The following PLA2G4D variants were observed in gnomAD, a reference collection of about 807,000 sequenced individuals.
PLA2G4D encodes cytosolic phospholipase A2 delta.
In PLA2G4D, 80 loss-of-function variants were observed where a neutral mutation model predicts 94.4. That is an observed-to-expected ratio of 0.85 (90% CI 0.71 to 1.02). The LOEUF is 1.02. Among genes scored for constraint, PLA2G4D ranks in the 50% least tolerant of loss-of-function variants. The pLI is 0.00. For missense variants in PLA2G4D, 1,050 were observed against 1,034.7 expected, an observed-to-expected ratio of 1.01 and a Z score of -0.20; for synonymous variants, 438 against 440.9, an observed-to-expected ratio of 0.99 and a Z score of 0.08.
At chr15:42,087,041 C>T (rs566028249) in intron 3 of PLA2G4D, among the ~76,000 whole-genome samples, 1 of 152,294 alleles carries the variant, frequency 6.6e-6, no homozygotes, top group East Asian at 1.9e-4. Context: ...GGAGGGGGCT[C>T]TTACTGTCTC....
chr15:42,081,372 C>T, intron 11 of PLA2G4D, 107 bp downstream of exon 11: 2 of 1,516,986 alleles, frequency 1.3e-6, no homozygotes, highest in Non-Finnish European at 8.9e-7. Context: ...TCTCCACACA[C>T]ATGCCCACTC....
At chr15:42,085,195 G>T in intron 5 of PLA2G4D, 57 bp from the exon 6 acceptor site, 1 of 1,597,248 alleles carries the variant, frequency 6.3e-7, no homozygotes. Context: ...TCCCGCTCCC[G>T]CCCATGTGGG....
chr15:42,071,607 G>T (rs1320930733), intron 15 of PLA2G4D, 56 bp from the exon 16 acceptor site: 10 of 1,542,564 alleles, frequency 6.5e-6, no homozygotes, highest in East Asian at 2.3e-5. Flanking sequence ...CCCACCCTCA[G>T]GTACTGATGG....
rs1159732917 is a variant in PLA2G4D at position 42,087,402 on chromosome 15, C to T, written c.153G>A (p.Leu51=). 20 of 1,614,048 alleles carry T rather than the reference C, an allele frequency of 1.2e-5. No individual in the cohort carries two copies. Among genetic ancestry groups the T allele is most frequent in the Non-Finnish European group, 1.6e-5 (19 of 1,180,028 alleles). Residue 51 remains leucine (L), a synonymous_variant, in exon 3 of 20, where the codon CTG becomes CTA. Coordinates refer to ENST00000290472, the MANE Select transcript of PLA2G4D (RefSeq NM_178034.4). The stretch of plus-strand genomic sequence containing the variant: ...TAAACTTCATTCCAGGTGCGGTCGA[C>T]AGCTGTAGGATCACGTAAGGGTCGG... The part of the protein sequence containing the change: ...SEADPYVILQ[L]STAPGMKFKT...
intron 13 of PLA2G4D, among the ~76,000 whole-genome samples, chr15:42,078,037 A>C (rs1460301205): frequency 6.6e-6 from 1 of 152,232 alleles, no homozygotes; most frequent in Non-Finnish European, 1.5e-5. Flanking sequence ...TTTCTGAATA[A>C]TCTACTCCTT....
chr15:42,093,712 G>A (rs1288697810), intron 1 of PLA2G4D, among the ~76,000 whole-genome samples: 1 of 152,174 alleles, frequency 6.6e-6, no homozygotes, highest in Non-Finnish European at 1.5e-5. Context: ...GCTTGGGCCT[G>A]GGTCTCAGGG....
Position 42,086,194 on chromosome 15 carries a change from T to TTGGGGGGGGGGGGGGGGGGGGGGGG in PLA2G4D, c.387+18_387+19insCCCCCCCCCCCCCCCCCCCCCCCCA. 4 of 1,370,440 alleles carry TTGGGGGGGGGGGGGGGGGGGGGGGG rather than the reference T, an allele frequency of 2.9e-6. No homozygotes were observed. Among genetic ancestry groups the TTGGGGGGGGGGGGGGGGGGGGGGGG allele is most frequent in the Non-Finnish European group, 3.8e-6 (4 of 1,043,082 alleles). 84.9% of individuals were successfully genotyped at this position (1,370,440 alleles called of 1,614,324 possible). On this transcript the variant is annotated intron_variant, in intron 4 of 19. Transcript: ENST00000290472. ...GGAAGAAGTGGGGCCCACGGGGACT[T>TTGGGGGGGGGGGGGGGGGGGGGGGG]CCCCACCCACCCACCCACCTGGGGA...
intron 6 of PLA2G4D, chr15:42,083,985 G>T: frequency 1.7e-6 from 1 of 572,222 alleles, no homozygotes; most frequent in Non-Finnish European, 3.1e-6. Context: ...AGCCAGGAGG[G>T]CCCTGGCTCC....
chr15:42,075,129 G>T (rs1889894156), intron 13 of PLA2G4D, among the ~76,000 whole-genome samples: 1 of 152,140 alleles, frequency 6.6e-6, no homozygotes, highest in African/African-American at 2.4e-5. Context: ...TCACTATGTT[G>T]TCCAGGTTCA....
intron 6 of PLA2G4D, 99 bp from the exon 7 acceptor site, chr15:42,083,878 A>C: frequency 5.1e-6 from 6 of 1,182,086 alleles, no homozygotes; most frequent in South Asian, 1.3e-5. Context: ...TCCACCACAC[A>C]CACAAGGAGT....
intron 10 of PLA2G4D, 38 bp from the exon 11 acceptor site, chr15:42,081,652 G>A (rs202047394): frequency 1.1e-4 from 175 of 1,611,150 alleles, no homozygotes; most frequent in Non-Finnish European, 8.6e-5. Context: ...GGGGACACCT[G>A]CATAGCTCAG....
chr15:42,080,658 G>C (rs1890018873), intron 12 of PLA2G4D, among the ~76,000 whole-genome samples: 1 of 152,212 alleles, frequency 6.6e-6, no homozygotes, highest in Non-Finnish European at 1.5e-5. Context: ...TGCTAGGATT[G>C]TCCGTTTGGA....
At position 42,081,517 on chromosome 15, in the gene PLA2G4D, G is replaced by T. The variant is rs199591008; in HGVS notation, c.919C>A (p.Gln307Lys). The change falls in exon 11 of 20, where the codon CAG becomes AAG. Residue 307 changes from glutamine to lysine, a missense_variant. Coordinates refer to ENST00000290472, the MANE Select transcript of PLA2G4D (RefSeq NM_178034.4). ...RKQVVAKALKQALQLDRDLQE... is the reference protein window; with the variant it reads ...RKQVVAKALKKALQLDRDLQE... Reference sequence around the variant, plus strand: ...AGGTCTCTGTCCAGCTGCAGGGCCTGCTTCAGGGCCTTGGCCACCACCTGC... The same window carrying T: ...AGGTCTCTGTCCAGCTGCAGGGCCTTCTTCAGGGCCTTGGCCACCACCTGC... 1.2e-4 allele frequency: 187 copies of T among 1,614,060 alleles called. No individual in the cohort carries two copies. Among genetic ancestry groups the T allele is most frequent in the Admixed American group, 4.7e-4 (28 of 60,016 alleles).
chr15:42,070,663 C>G, intron 18 of PLA2G4D, 54 bp downstream of exon 18: 1 of 1,527,960 alleles, frequency 6.5e-7, no homozygotes, highest in Non-Finnish European at 8.8e-7. Context: ...TGCTGCTCGC[C>G]TCTGGAGCTT....
chr15:42,069,973 G>A lies in PLA2G4D; in HGVS notation c.2166C>T (p.Pro722=), dbSNP rs373516013. 11 of 1,469,830 alleles carry A rather than the reference G, an allele frequency of 7.5e-6. No individual in the cohort carries two copies. In the South Asian group the frequency reaches 8.5e-5, roughly 11 times the overall value. The allele number at this position is 1,469,830 out of a possible 1,614,324, so 91.0% of individuals were successfully genotyped here. The change falls in exon 19 of 20, where the codon CCC becomes CCT. Residue 722 remains proline (P), a synonymous_variant. Transcript: ENST00000290472. ...ECHLFSDPAC[P]EAPILLHFPL... is the part of the protein sequence containing the mutation. ...GGAAGTGCAGCAGGATCGGGGCCTC[G>A]GGGCAGGCGGGGTCTGAGAAGAGGT...
chr15:42,081,899 T>C, intron 9 of PLA2G4D, 65 bp from the exon 10 acceptor site: 5 of 1,440,064 alleles, frequency 3.5e-6, no homozygotes, highest in Non-Finnish European at 9.6e-7. Context: ...TGGGTATCCC[T>C]GGGGACTTGG....
chr15:42,086,194 T>TGGGGGGGGGGGGGGGGGGC lies in PLA2G4D; in HGVS notation c.387+18_387+19insGCCCCCCCCCCCCCCCCCC. 5 of 1,370,438 alleles carry TGGGGGGGGGGGGGGGGGGC rather than the reference T, an allele frequency of 3.6e-6. No individual in the cohort carries two copies. Among genetic ancestry groups the TGGGGGGGGGGGGGGGGGGC allele is most frequent in the Non-Finnish European group, 2.9e-6 (3 of 1,043,078 alleles). The allele number at this position is 1,370,438 out of a possible 1,614,324, so 84.9% of individuals were successfully genotyped here. ...GGAAGAAGTGGGGCCCACGGGGACT[T>TGGGGGGGGGGGGGGGGGGC]CCCCACCCACCCACCCACCTGGGGA... On this transcript the variant is annotated intron_variant, in intron 4 of 19. Coordinates refer to ENST00000290472, the MANE Select transcript of PLA2G4D (RefSeq NM_178034.4).
Position 42,085,079 on chromosome 15 carries a change from C to T in PLA2G4D, c.471+17G>A, listed in dbSNP as rs760600925. ...CTGCTCTGGGGCCCCTCCCCTAAGC[C>T]TGGGGAAGGTGCTTACCACAATGAC... On this transcript the variant is annotated intron_variant, in intron 6 of 19. Transcript: ENST00000290472. The T allele has an allele frequency of 7.4e-6, 12 of 1,614,124 alleles. No individual in the cohort carries two copies. The highest frequency in any genetic ancestry group is 1.0e-5 in the Non-Finnish European group (12 of 1,179,962).
chr15:42,076,554 A>G (rs1357091587), intron 13 of PLA2G4D, among the ~76,000 whole-genome samples: 3 of 152,220 alleles, frequency 2.0e-5, no homozygotes. Context: ...AAACAGGAAA[A>G]TGGAAAGGGG....
Sources: allele counts gnomAD v4.1 joint callset (sites outside exome capture counted in the v4.1 genomes callset), GRCh38; gene constraint gnomAD v4.1.1; transcripts MANE v1.5; gene names NCBI Gene and HGNC (gene_info 2026-07-23, HGNC 2026-07-21).